The following ABCA6 variants were observed in gnomAD, a reference collection of about 807,000 sequenced individuals.
ABCA6 encodes the protein ATP binding cassette subfamily A member 6.
In ABCA6, 164 loss-of-function variants were observed where a neutral mutation model predicts 191.2. The observed-to-expected ratio is 0.86, with a 90% CI of 0.76 to 0.98. The LOEUF (loss-of-function observed/expected upper bound fraction) is 0.98. Ranked by LOEUF, ABCA6 falls within the 50% of genes least tolerant of loss-of-function variation. The probability of loss-of-function intolerance (pLI) is 0.00; values close to 1 mark genes in which losing one functional copy is unlikely to be tolerated. For synonymous variants in ABCA6, 636 were observed against 647.7 expected (o/e 0.98, Z 0.27); for missense variants, 1,958 against 1,894.1 (o/e 1.03, Z -0.63).
intron 3 of ABCA6, among the ~76,000 whole-genome samples, chr17:69,137,081 T>C (rs1313213429): frequency 6.6e-6 from 1 of 152,190 alleles, no homozygotes; most frequent in East Asian, 1.9e-4. Flanking sequence ...AGTAGAAATA[T>C]GGACCTCCCT....
At chr17:69,133,485 T>C (rs1349849067) in intron 6 of ABCA6, among the ~76,000 whole-genome samples, 156 bp downstream of exon 6, 1 of 152,206 alleles carries the variant, frequency 6.6e-6, no homozygotes, top group Non-Finnish European at 1.5e-5. Context: ...CTATTTTGCA[T>C]GGCAAAATTT....
chr17:69,095,605 C>A (rs916454915), intron 25 of ABCA6: 2 of 152,160 alleles, frequency 1.3e-5, no homozygotes, highest in African/African-American at 4.8e-5. Flanking sequence ...TATATCATTT[C>A]TTATAGATGA....
chr17:69,094,287 C>T lies in ABCA6; in HGVS notation c.3408+1953G>A, dbSNP rs576951430. The T allele has an allele frequency of 3.3e-5, 5 of 152,322 alleles. No individual in the cohort carries two copies. In the East Asian group the frequency reaches 9.6e-4, roughly 29 times the overall value. 9.4% of individuals were successfully genotyped at this position (152,322 alleles called of 1,614,324 possible). A position where few individuals can be genotyped will look rare whatever the true frequency, so the allele number is the denominator to read the frequency against. ...CACTTGCTGCCGTATATACAAGGGG[C>T]ATTCATAATATGATAATGCAGATTC... On this transcript the variant is annotated intron_variant, in intron 25 of 38. Transcript: ENST00000284425.
intron 6 of ABCA6, among the ~76,000 whole-genome samples, chr17:69,131,876 G>C (rs954617155): frequency 6.6e-6 from 1 of 152,138 alleles, no homozygotes; most frequent in Non-Finnish European, 1.5e-5. Flanking sequence ...GGTCTCAGGT[G>C]ACTGCAGGGA....
intron 36 of ABCA6, among the ~76,000 whole-genome samples, chr17:69,081,624 A>G (rs1359205401): frequency 1.3e-5 from 2 of 152,240 alleles, no homozygotes; most frequent in African/African-American, 2.4e-5. Flanking sequence ...TTGTAAAACC[A>G]TAAATAGTGG....
In ABCA6 at chr17:69,140,708, C is replaced by T. The variant is rs375821135; in HGVS notation, c.-5G>A. 104 of 1,556,680 alleles carry T rather than the reference C, an allele frequency of 6.7e-5. No individual in the cohort carries two copies. The highest frequency in any genetic ancestry group is 8.5e-5 in the Non-Finnish European group (98 of 1,151,748). On this transcript the variant is annotated 5_prime_UTR_variant, in exon 2 of 39. Coordinates refer to ENST00000284425, the MANE Select transcript of ABCA6 (RefSeq NM_080284.3). ...GCTTTTCTGTTTCATATTCATTTAGCCTATTCGCTGAAGGAGAAAGTAATC... is the reference window on the plus strand; with the variant it reads ...GCTTTTCTGTTTCATATTCATTTAGTCTATTCGCTGAAGGAGAAAGTAATC...
At chr17:69,105,709 G>A (rs928246387) in intron 19 of ABCA6, 81 bp from the exon 20 acceptor site, 41 of 1,082,026 alleles carry the variant, frequency 3.8e-5, no homozygotes, top group Non-Finnish European at 5.2e-5. Flanking sequence ...TATTTGTTGA[G>A]TGCCAAGCCT....
chr17:69,129,816 A>G, intron 6 of ABCA6, 65 bp from the exon 7 acceptor site: 1 of 1,218,192 alleles, frequency 8.2e-7, no homozygotes, highest in Non-Finnish European at 1.1e-6. Flanking sequence ...AATATATACA[A>G]AAGCATCTAA....
At chr17:69,089,565 A>G in intron 26 of ABCA6, 23 bp from the exon 27 acceptor site, 1 of 1,557,290 alleles carries the variant, frequency 6.4e-7, no homozygotes, top group Non-Finnish European at 8.8e-7. Context: ...AACAAAACAC[A>G]CACACACTAA....
chr17:69,086,648 C>G lies in ABCA6; in HGVS notation c.3907G>C (p.Ala1303Pro). 1 of 1,612,120 alleles carries G rather than the reference C, an allele frequency of 6.2e-7. No homozygotes were observed. The highest frequency in any genetic ancestry group is 8.5e-7 in the Non-Finnish European group (1 of 1,178,650). The change falls in exon 30 of 39, where the codon GCA (alanine) becomes CCA (proline). Residue 1303 changes from alanine to proline, a missense_variant. Ala to Pro is a conservative substitution (Grantham distance 27, BLOSUM62 -1). Coordinates refer to ENST00000284425, the MANE Select transcript of ABCA6 (RefSeq NM_080284.3). ...TGAACACAGAAAGAGATATTTCTTGCTGCTATTTTCTTCTTCCTCTTTGAA... is the reference window on the plus strand; with the variant it reads ...TGAACACAGAAAGAGATATTTCTTGGTGCTATTTTCTTCTTCCTCTTTGAA... Reference protein sequence around the residue: ...CFSKRKKKIAARNISFCVQEG... With the variant: ...CFSKRKKKIAPRNISFCVQEG...
At chr17:69,099,488 A>G (rs2073126393) in intron 22 of ABCA6, 1 of 152,586 alleles carries the variant, frequency 6.6e-6, no homozygotes, top group South Asian at 2.1e-4. Context: ...TGAACACATA[A>G]TTCAGGCCTG....
chr17:69,137,150 A>G, intron 3 of ABCA6, 146 bp downstream of exon 3: 1 of 777,220 alleles, frequency 1.3e-6, no homozygotes, highest in Non-Finnish European at 2.0e-6. Context: ...GAGAGAAAGC[A>G]ATAATCTAAC....
chr17:69,112,339 G>T (rs2073440714), intron 15 of ABCA6, 66 bp from the exon 16 acceptor site: 1 of 1,289,854 alleles, frequency 7.8e-7, no homozygotes, highest in Non-Finnish European at 1.1e-6. Flanking sequence ...AGTAAAGAAA[G>T]ACGAGGAGCC....
chr17:69,123,288 C>A lies in ABCA6; in HGVS notation c.1387G>T (p.Asp463Tyr). 1.3e-6 allele frequency: 2 copies of A among 1,548,546 alleles called. No individual in the cohort carries two copies. Among genetic ancestry groups the A allele is most frequent in the Non-Finnish European group, 1.8e-6 (2 of 1,140,392 alleles). The change falls in exon 10 of 39, where the codon GAT (aspartate) becomes TAT (tyrosine). Residue 463 changes from aspartate (D) to tyrosine (Y), a missense_variant. Transcript: ENST00000284425. ...TCAGGAGCTACTGGTTCAAAATAATCATCAGAGGGATGCTCAGCATCGATT... is the reference window on the plus strand; with the variant it reads ...TCAGGAGCTACTGGTTCAAAATAATAATCAGAGGGATGCTCAGCATCGATT... ...KEIDAEHPSD[D>Y]YFEPVAPEFQ...
At chr17:69,140,769 T>G (rs2074014780) in intron 1 of ABCA6, 21 bp from the exon 2 acceptor site, 1 of 1,076,052 alleles carries the variant, frequency 9.3e-7, no homozygotes, top group East Asian at 2.7e-5. Context: ...ATAAGTGTAA[T>G]AAGAAAAACC....
At chr17:69,084,630 AT>A in intron 32 of ABCA6, 123 bp from the exon 33 acceptor site, 1 of 838,368 alleles carries the variant, frequency 1.2e-6, no homozygotes, top group Non-Finnish European at 1.8e-6. Flanking sequence ...CTAACTCATA[AT>A]TTTAAAAAAG....
chr17:69,104,570 T>TA (rs981507043), intron 20 of ABCA6: 2 of 151,884 alleles, frequency 1.3e-5, no homozygotes, highest in Admixed American at 1.3e-4. Context: ...CTGTGATTTT[T>TA]TTTTTGTTTC....
chr17:69,117,226 ACT>A (rs2073553413), intron 11 of ABCA6, among the ~76,000 whole-genome samples: 2 of 151,982 alleles, frequency 1.3e-5, no homozygotes, highest in South Asian at 4.1e-4. Flanking sequence ...TGGTCGGAGA[ACT>A]CTACACTTCT....
At chr17:69,129,510 C>T in intron 7 of ABCA6, 100 bp downstream of exon 7, 1 of 1,000,198 alleles carries the variant, frequency 1.0e-6, no homozygotes, top group Admixed American at 2.4e-5. Flanking sequence ...ACACAATGGA[C>T]ATGAAAGTAG....
Sources: allele counts gnomAD v4.1 joint callset (sites outside exome capture counted in the v4.1 genomes callset), GRCh38; gene constraint gnomAD v4.1.1; transcripts MANE v1.5; gene names NCBI Gene and HGNC (gene_info 2026-07-23, HGNC 2026-07-21).